The following FER variants were observed in gnomAD, a reference collection of about 807,000 sequenced individuals.
FER encodes the protein FER tyrosine kinase, also known as tyrosine-protein kinase Fer.
FER carries 63 observed loss-of-function variants against 111.0 expected under a neutral mutation model. The ratio of observed to expected loss-of-function variants is 0.57; its 90% CI spans 0.46 to 0.70. FER has a LOEUF of 0.70. Ranked by LOEUF, FER falls within the 30% of genes least tolerant of loss-of-function variation. The pLI is 0.00. For missense variants in FER, 914 were observed against 954.0 expected (o/e 0.96, Z 0.55); for synonymous variants, 327 against 313.9 (o/e 1.04, Z -0.44).
At chr5:108,887,121 T>A (rs1747293475) in intron 9 of FER, among the ~76,000 whole-genome samples, 1 of 151,742 alleles carries the variant, frequency 6.6e-6, no homozygotes. Flanking sequence ...TTTCATGTAC[T>A]GTGTTACTTG....
At chr5:108,912,044 T>C (rs1487712090) in intron 10 of FER, among the ~76,000 whole-genome samples, 1 of 152,184 alleles carries the variant, frequency 6.6e-6, no homozygotes, top group African/African-American at 2.4e-5. Context: ...TTTCCTCTTT[T>C]GCTTGGCTCT....
chr5:108,979,237 G>C (rs1487840354), intron 13 of FER, among the ~76,000 whole-genome samples: 4 of 152,116 alleles, frequency 2.6e-5, no homozygotes. Flanking sequence ...TGGCAGGAAA[G>C]CCTGTTCAGA....
chr5:108,902,995 G>C (rs1425693064), intron 10 of FER, among the ~76,000 whole-genome samples: 2 of 151,706 alleles, frequency 1.3e-5, no homozygotes, highest in Non-Finnish European at 2.9e-5. Flanking sequence ...TATTCAATTA[G>C]TATATGCTGA....
At chr5:109,048,422 A>G (rs1346251341) in intron 16 of FER, among the ~76,000 whole-genome samples, 1 of 152,168 alleles carries the variant, frequency 6.6e-6, no homozygotes, top group African/African-American at 2.4e-5. Flanking sequence ...CCTGAATAAT[A>G]AGGAACGCCA....
At chr5:109,065,713 A>C (rs1775012897) in intron 16 of FER, among the ~76,000 whole-genome samples, 2 of 152,196 alleles carry the variant, frequency 1.3e-5, no homozygotes. Context: ...CTTGTCAGTG[A>C]AATGTGAAAA....
intron 2 of FER, among the ~76,000 whole-genome samples, chr5:108,772,744 G>A (rs532105595): frequency 6.6e-5 from 10 of 152,252 alleles, no homozygotes; most frequent in South Asian, 2.1e-4. Context: ...TGATCTGCTG[G>A]CACTAGTCAG....
chr5:109,124,418 G>C (rs193144197), intron 17 of FER, among the ~76,000 whole-genome samples: 36 of 152,310 alleles, frequency 2.4e-4, no homozygotes, highest in African/African-American at 7.7e-4. Flanking sequence ...GTACTTGTGA[G>C]ATGGAAGAAG....
chr5:108,793,154 C>T (rs896842032), intron 2 of FER, among the ~76,000 whole-genome samples: 1 of 152,204 alleles, frequency 6.6e-6, no homozygotes, highest in Non-Finnish European at 1.5e-5. Context: ...TCCCAACTTT[C>T]CCCCTGCTTC....
intron 16 of FER, among the ~76,000 whole-genome samples, chr5:109,092,100 G>T (rs1049003481): frequency 2.0e-5 from 3 of 151,810 alleles, no homozygotes; most frequent in African/African-American, 7.3e-5. Context: ...CACCAAGCCT[G>T]CTGACACCTT....
In FER at chr5:109,100,421, A is replaced by G. The variant is rs1386238766; in HGVS notation, c.1950A>G (p.Arg650=). The change falls in exon 17 of 20, where the codon AGA becomes AGG. Residue 650 remains arginine (R), a synonymous_variant. Transcript: ENST00000281092. ...VSGGDFLTFL[R]RKKDELKLKQ... is the part of the protein sequence containing the mutation. The stretch of plus-strand genomic sequence containing the variant: ...GAGGTGATTTCCTCACCTTTCTGAG[A>G]AGGAAGAAGGATGAACTAAAACTCA... 1.1e-5 allele frequency: 18 copies of G among 1,611,014 alleles called. No homozygotes were observed. The Admixed American group carries it at 2.2e-4, about 19-fold the overall frequency.
Position 109,100,424 on chromosome 5 carries a change from G to A in FER, c.1953G>A (p.Arg651=). The A allele has an allele frequency of 6.2e-7, 1 of 1,611,202 alleles. No homozygotes were observed. The highest frequency in any genetic ancestry group is 8.5e-7 in the Non-Finnish European group (1 of 1,177,986). ...GTGATTTCCTCACCTTTCTGAGAAG[G>A]AAGAAGGATGAACTAAAACTCAAAC... ...SGGDFLTFLR[R]KKDELKLKQL... is the part of the protein sequence containing the mutation. The change falls in exon 17 of 20, where the codon AGG becomes AGA. Residue 651 remains arginine (R), a synonymous_variant. Coordinates refer to ENST00000281092, the MANE Select transcript of FER (RefSeq NM_005246.4).
intron 10 of FER, among the ~76,000 whole-genome samples, chr5:108,909,126 G>A (rs572690599): frequency 6.6e-6 from 1 of 152,256 alleles, no homozygotes; most frequent in Non-Finnish European, 1.5e-5. Flanking sequence ...GGATTTATAT[G>A]TTTTTGTCTC....
intron 2 of FER, among the ~76,000 whole-genome samples, chr5:108,794,536 C>CA (rs983657029): frequency 3.9e-5 from 5 of 127,380 alleles, no homozygotes; most frequent in Non-Finnish European, 8.4e-5. Context: ...ACCCCCCCCC[C>CA]TCCCCGCACC....
At chr5:109,012,399 G>A (rs938075981) in intron 13 of FER, among the ~76,000 whole-genome samples, 10 of 152,160 alleles carry the variant, frequency 6.6e-5, no homozygotes, top group East Asian at 1.9e-4. Flanking sequence ...CAAGTTTCAC[G>A]TGTCACAATT....
chr5:109,034,248 T>A lies in FER; in HGVS notation c.1657-3174T>A, dbSNP rs146388818. 2.0e-4 allele frequency among the ~76,000 whole-genome samples: 31 copies of A among 152,270 alleles called. 1 individual carries two copies. In the East Asian group the frequency reaches 5.0e-3, roughly 25 times the overall value. On this transcript the variant is annotated intron_variant, in intron 13 of 19. Coordinates refer to ENST00000281092, the MANE Select transcript of FER (RefSeq NM_005246.4). ...TGGATAATTTCTGTAGATCTATTGATCAATTATCTAAGGACACTGAAATTC... is the reference window on the plus strand; with the variant it reads ...TGGATAATTTCTGTAGATCTATTGAACAATTATCTAAGGACACTGAAATTC...
chr5:109,179,163 A>G (rs545611303), intron 17 of FER, among the ~76,000 whole-genome samples: 1 of 152,312 alleles, frequency 6.6e-6, no homozygotes, highest in East Asian at 1.9e-4. Context: ...AGATTTTCAA[A>G]TTGAAAAAGA....
At chr5:109,013,048 T>C (rs999674419) in intron 13 of FER, among the ~76,000 whole-genome samples, 4 of 150,414 alleles carry the variant, frequency 2.7e-5, no homozygotes, top group Non-Finnish European at 5.9e-5. Flanking sequence ...AGTGTTATCA[T>C]TGCTTTTGCT....
chr5:108,924,674 T>G, intron 10 of FER: 1 of 1,232,006 alleles, frequency 8.1e-7, no homozygotes, highest in Non-Finnish European at 1.0e-6. Context: ...GAGCAGAAAA[T>G]GAAATGTCCT....
rs185778671 is a variant in FER, at chr5:109,046,250, A to G, written c.1830-854A>G. ...ACCCTGATCAAGAAAGTATTTAACT[A>G]TTACAAAATCCAATGAAATGGTTAC... On this transcript the variant is annotated intron_variant, in intron 15 of 19. Coordinates refer to ENST00000281092, the MANE Select transcript of FER (RefSeq NM_005246.4). Among the ~76,000 whole-genome samples the G allele has an allele frequency of 6.4e-4, 98 of 152,294 alleles. 1 individual carries two copies. Among genetic ancestry groups the G allele is most frequent in the African/African-American group, 2.2e-3 (91 of 41,572 alleles).
Sources: gnomAD v4.1 joint callset for allele counts (sites outside exome capture counted in the v4.1 genomes callset) on GRCh38, gnomAD v4.1.1 for gene constraint, MANE v1.5 for transcripts, NCBI Gene and HGNC (gene_info 2026-07-23, HGNC 2026-07-21) for gene names.